The following PTCHD4 variants were observed in gnomAD, a reference collection of about 807,000 sequenced individuals.
PTCHD4 encodes patched domain-containing protein 4.
A neutral mutation model predicts 58.1 loss-of-function variants in PTCHD4; 33 were observed. The ratio of observed to expected loss-of-function variants is 0.57; its 90% CI spans 0.43 to 0.76. The LOEUF is 0.76. Among genes scored for constraint, PTCHD4 ranks in the 30% least tolerant of loss-of-function variants. The probability of loss-of-function intolerance (pLI) is 0.00; values close to 1 mark genes in which losing one functional copy is unlikely to be tolerated. For missense variants in PTCHD4, 1,058 were observed against 1,027.1 expected (o/e 1.03, Z -0.41); for synonymous variants, 478 against 409.6 (o/e 1.17, Z -2.02).
chr6:48,013,705 C>G (rs967394152), intron 3 of PTCHD4, among the ~76,000 whole-genome samples: 2 of 151,920 alleles, frequency 1.3e-5, no homozygotes, highest in African/African-American at 4.8e-5. Context: ...CTTTGAAATC[C>G]CACTTTGATG....
chr6:47,902,317 A>G (rs1764734491), intron 4 of PTCHD4, among the ~76,000 whole-genome samples: 1 of 152,326 alleles, frequency 6.6e-6, no homozygotes, highest in East Asian at 1.9e-4. Flanking sequence ...TGAGGAGCTT[A>G]CAGTCTCACT....
chr6:48,002,935 C>T (rs898242152), intron 4 of PTCHD4, among the ~76,000 whole-genome samples: 13 of 152,072 alleles, frequency 8.5e-5, no homozygotes, highest in South Asian at 2.1e-4. Context: ...CAGTTCTTAA[C>T]GGACACAGTT....
At chr6:47,971,681 C>A (rs949152608) in intron 4 of PTCHD4, among the ~76,000 whole-genome samples, 2 of 152,122 alleles carry the variant, frequency 1.3e-5, no homozygotes, top group Non-Finnish European at 2.9e-5. Flanking sequence ...AAAAATTTAC[C>A]TCCTATGCTT....
At position 47,887,144 on chromosome 6, in the gene PTCHD4, G is replaced by A. The variant is rs1426904077; in HGVS notation, c.899-7208C>T. On this transcript the variant is annotated intron_variant, in intron 4 of 4. Transcript: ENST00000339488. Reference sequence around the variant, plus strand: ...AAAGATATTTGAACACATTCTTCTTGTAATAGTTATTATTGTAATGATACT... The same window carrying A: ...AAAGATATTTGAACACATTCTTCTTATAATAGTTATTATTGTAATGATACT... Among the ~76,000 whole-genome samples, 4 of 151,336 alleles carry A rather than the reference G, an allele frequency of 2.6e-5. No individual in the cohort carries two copies. The East Asian group carries it at 7.7e-4, about 29-fold the overall frequency.
intron 4 of PTCHD4, among the ~76,000 whole-genome samples, chr6:47,906,471 A>T (rs1464145736): frequency 6.6e-6 from 1 of 152,162 alleles, no homozygotes; most frequent in Non-Finnish European, 1.5e-5. Context: ...GTGTTAGGCC[A>T]CGAGCCATAT....
rs1318186091 is a variant in PTCHD4, at chr6:47,874,181, T to C, written c.*4122A>G. 6.6e-6 allele frequency among the ~76,000 whole-genome samples: 1 copy of C among 151,782 alleles called. No individual in the cohort carries two copies. Among genetic ancestry groups the C allele is most frequent in the African/African-American group, 2.4e-5 (1 of 41,400 alleles). On this transcript the variant is annotated 3_prime_UTR_variant, in exon 5 of 5. Transcript: ENST00000339488. The stretch of plus-strand genomic sequence containing the variant: ...TTGCCTGGAAGCCAGATTTCACTTC[T>C]GAGATTTTCCGAAGTCCATTCTAGA...
rs1763604642 is a variant in PTCHD4, at chr6:47,867,599, G to C, written c.*10704C>G. 6.6e-6 allele frequency among the ~76,000 whole-genome samples: 1 copy of C among 151,484 alleles called. No homozygotes were observed. Among genetic ancestry groups the C allele is most frequent in the South Asian group, 2.1e-4 (1 of 4,810 alleles). On this transcript the variant is annotated 3_prime_UTR_variant, in exon 5 of 5. Transcript: ENST00000339488. ...TCCCATCTGTAACAAGTCTCTTCTG[G>C]GTTGCTATCATCTCATCTGTTATAG... is the stretch of plus-strand genomic sequence containing the variant.
At chr6:48,026,317 C>T (rs1048291933) in intron 3 of PTCHD4, among the ~76,000 whole-genome samples, 2 of 152,154 alleles carry the variant, frequency 1.3e-5, no homozygotes, top group Non-Finnish European at 2.9e-5. Flanking sequence ...TCTTAGTCAA[C>T]TGAAGCCTTT....
rs1764916087 is a variant in PTCHD4 at position 48,069,147 on chromosome 6, G to GT, written c.-191_-190insA. 7.2e-6 allele frequency among the ~76,000 whole-genome samples: 1 copy of GT among 139,302 alleles called. No individual in the cohort carries two copies. Among genetic ancestry groups the GT allele is most frequent in the Non-Finnish European group, 1.6e-5 (1 of 63,708 alleles). The allele number at this position is 139,302 out of a possible 152,430, so 91.4% of individuals were successfully genotyped here. A position where few individuals can be genotyped will look rare whatever the true frequency, so the allele number is the denominator to read the frequency against. Reference sequence around the variant, plus strand: ...CAGACATGTGCCCCATAAAGGGGGGGGGGGCTGAGGGGGGGAGAGGAGGGA... The same window carrying GT: ...CAGACATGTGCCCCATAAAGGGGGGGTGGGGCTGAGGGGGGGAGAGGAGGGA... On this transcript the variant is annotated 5_prime_UTR_variant, in exon 2 of 5. An upstream open reading frame in the 5' UTR gains an earlier in-frame stop. Transcript: ENST00000339488.
chr6:48,057,233 G>T (rs1296370251), intron 3 of PTCHD4, among the ~76,000 whole-genome samples: 1 of 148,146 alleles, frequency 6.8e-6, no homozygotes, highest in Non-Finnish European at 1.5e-5. Flanking sequence ...TGTTGCTTGT[G>T]CCTCGTGTAT....
chr6:48,070,507 A>G (rs938009494), intron 1 of PTCHD4, among the ~76,000 whole-genome samples: 13 of 152,224 alleles, frequency 8.5e-5, no homozygotes, highest in Non-Finnish European at 1.9e-4. Flanking sequence ...GGTGTCATAT[A>G]TAAGATTAAA....
intron 4 of PTCHD4, among the ~76,000 whole-genome samples, chr6:47,897,939 T>TC (rs1764575100): frequency 1.5e-5 from 2 of 134,998 alleles, no homozygotes; most frequent in African/African-American, 5.3e-5. Context: ...TTTCTTTCTT[T>TC]CTTTTTTTTT....
intron 4 of PTCHD4, chr6:47,900,232 T>C (rs1268519980): frequency 6.6e-6 from 1 of 152,216 alleles, no homozygotes; most frequent in African/African-American, 2.4e-5. Flanking sequence ...AGCTGCATCA[T>C]TTACATTTTC....
intron 3 of PTCHD4, among the ~76,000 whole-genome samples, chr6:48,019,466 G>C (rs908425941): frequency 6.6e-6 from 1 of 152,176 alleles, no homozygotes. Context: ...GCCGGGCGCT[G>C]TGGCTCACGC....
chr6:48,083,214 G>A (rs1165794727), intron 1 of PTCHD4, among the ~76,000 whole-genome samples: 1 of 151,044 alleles, frequency 6.6e-6, no homozygotes, highest in African/African-American at 2.4e-5. Flanking sequence ...TCTGTAAAGG[G>A]CTAGATATTT....
At chr6:47,945,440 C>G (rs369986208) in intron 4 of PTCHD4, among the ~76,000 whole-genome samples, 13 of 152,030 alleles carry the variant, frequency 8.6e-5, no homozygotes, top group Non-Finnish European at 1.8e-4. Flanking sequence ...TTCTCCCCCT[C>G]CCAGAGGTAA....
rs1763477436 is a variant in PTCHD4, at chr6:47,863,307, G to A, written c.*14996C>T. The stretch of plus-strand genomic sequence containing the variant: ...GAACATACTGCTAAGGACTGTCCTA[G>A]GGCCTCCAAAAGACTTATGTAAGCA... On this transcript the variant is annotated 3_prime_UTR_variant, in exon 5 of 5. Coordinates refer to ENST00000339488, the MANE Select transcript of PTCHD4 (RefSeq NM_001384253.1). 1.3e-5 allele frequency among the ~76,000 whole-genome samples: 2 copies of A among 151,750 alleles called. No individual in the cohort carries two copies. Among genetic ancestry groups the A allele is most frequent in the Admixed American group, 1.3e-4 (2 of 15,192 alleles).
intron 4 of PTCHD4, among the ~76,000 whole-genome samples, chr6:47,954,230 ATCTGT>A (rs1766764384): frequency 6.6e-6 from 1 of 152,090 alleles, no homozygotes; most frequent in African/African-American, 2.4e-5. Context: ...GGTAGCACAC[ATCTGT>A]AATCCCAGCT....
At chr6:48,103,288 G>A (rs956517413) in intron 1 of PTCHD4, among the ~76,000 whole-genome samples, 13 of 152,264 alleles carry the variant, frequency 8.5e-5, no homozygotes, top group African/African-American at 2.2e-4. Flanking sequence ...CAGCATTTGC[G>A]GTTCACCAAT....
Sources: gnomAD v4.1 joint callset for allele counts (sites outside exome capture counted in the v4.1 genomes callset) on GRCh38, gnomAD v4.1.1 for gene constraint, MANE v1.5 for transcripts, NCBI Gene and HGNC (gene_info 2026-07-23, HGNC 2026-07-21) for gene names.